HGSNAT: variants seen among roughly 807,000 people sequenced by gnomAD.
HGSNAT encodes the protein heparan-alpha-glucosaminide N-acetyltransferase.
HGSNAT carries 59 observed loss-of-function variants against 85.2 expected under a neutral mutation model. The ratio of observed to expected loss-of-function variants is 0.69; its 90% CI spans 0.56 to 0.86. HGSNAT has a LOEUF of 0.86. Among genes scored for constraint, HGSNAT ranks in the 40% least tolerant of loss-of-function variants. The probability of loss-of-function intolerance (pLI) is 0.00; values close to 1 mark genes in which losing one functional copy is unlikely to be tolerated. For synonymous variants in HGSNAT, 321 were observed against 304.5 expected (o/e 1.05, Z -0.56); for missense variants, 756 against 777.1 (o/e 0.97, Z 0.32).
Position 43,192,365 on chromosome 8 carries a change from G to T in HGSNAT, c.1312G>T (p.Ala438Ser). The T allele has an allele frequency of 6.2e-7, 1 of 1,612,786 alleles. No individual in the cohort carries two copies. The highest frequency in any genetic ancestry group is 1.1e-5 in the South Asian group (1 of 90,748). The change falls in exon 13 of 18, where the codon GCT (alanine) becomes TCT (serine). Residue 438 changes from alanine (A) to serine (S), a missense_variant. Physicochemically the swap from Ala to Ser is moderately conservative, Grantham distance 99. Transcript: ENST00000379644. ...CAAGTATCCAAATTGCACTGGAGGA[G>T]CTGCAGGCTACATCGACCGCCTGCT... ...FGKYPNCTGG[A>S]AGYIDRLLLG...
chr8:43,165,562 C>CA, intron 5 of HGSNAT, among the ~76,000 whole-genome samples: 1 of 152,192 alleles, frequency 6.6e-6, no homozygotes. Flanking sequence ...AGCTAGGCCT[C>CA]TTGTGCCCAA....
At chr8:43,157,734 T>C (rs973054073) in intron 2 of HGSNAT, among the ~76,000 whole-genome samples, 29 of 152,154 alleles carry the variant, frequency 1.9e-4, no homozygotes, top group African/African-American at 6.7e-4. Flanking sequence ...GCTGAGATCA[T>C]GCCACTGCAC....
At position 43,184,492 on chromosome 8, in the gene HGSNAT, C is replaced by A. The variant is rs185623183; in HGVS notation, c.1128+2232C>A. 7.6e-3 allele frequency among the ~76,000 whole-genome samples: 1,161 copies of A among 152,068 alleles called. 10 individuals are homozygous for A. The highest frequency in any genetic ancestry group is 0.02 in the Middle Eastern group (6 of 294). On this transcript the variant is annotated intron_variant, in intron 11 of 17. Transcript: ENST00000379644. ...ACTTTTTGATGGGGTTGTTTGATTT[C>A]TTCTTGTAAATTTGTTTAAGTTCTT...
chr8:43,155,801 C>G (rs1166499121), intron 2 of HGSNAT, among the ~76,000 whole-genome samples: 1 of 151,882 alleles, frequency 6.6e-6, no homozygotes, highest in African/African-American at 2.4e-5. Flanking sequence ...TTTCCCAGCA[C>G]TATTTATTGA....
rs1254434867 is a variant in HGSNAT at position 43,194,547 on chromosome 8, TA to T, written c.1464+706del. 3 of 980,338 alleles carry T rather than the reference TA, an allele frequency of 3.1e-6. No homozygotes were observed. In the African/African-American group the frequency reaches 5.3e-5, roughly 17 times the overall value. 60.7% of individuals were successfully genotyped at this position (980,338 alleles called of 1,614,324 possible). On this transcript the variant is annotated intron_variant, in intron 14 of 17. Coordinates refer to ENST00000379644, the MANE Select transcript of HGSNAT (RefSeq NM_152419.3). ...ACCTAACAAAATACCCGAGACTGGG[TA>T]ATTCATAAAGAACAGTAACACTGCA... is the stretch of plus-strand genomic sequence containing the variant.
At chr8:43,156,959 T>A (rs1355114421) in intron 2 of HGSNAT, among the ~76,000 whole-genome samples, 2 of 152,218 alleles carry the variant, frequency 1.3e-5, no homozygotes, top group African/African-American at 2.4e-5. Flanking sequence ...CTGTTTTTTT[T>A]AATCCTTTCA....
At chr8:43,181,097 G>A (rs1211394760) in intron 10 of HGSNAT, among the ~76,000 whole-genome samples, 2 of 88 alleles carry the variant, frequency 0.023, no homozygotes, top group Non-Finnish European at 0.037. Context: ...GAGAGGGAGA[G>A]GGAGAGGGAG....
chr8:43,186,850 A>G (rs1210311695), intron 11 of HGSNAT, among the ~76,000 whole-genome samples: 2 of 152,010 alleles, frequency 1.3e-5, no homozygotes, highest in Non-Finnish European at 2.9e-5. Flanking sequence ...TGTCTTTGTT[A>G]TCATTGATTT....
chr8:43,151,688 A>C (rs1287526327), intron 2 of HGSNAT, among the ~76,000 whole-genome samples: 1 of 152,228 alleles, frequency 6.6e-6, no homozygotes, highest in Non-Finnish European at 1.5e-5. Context: ...CATTTCGTTG[A>C]AAATCTTTAG....
intron 1 of HGSNAT, among the ~76,000 whole-genome samples, chr8:43,141,596 T>C (rs2130655198): frequency 6.6e-6 from 1 of 152,112 alleles, no homozygotes; most frequent in Non-Finnish European, 1.5e-5. Context: ...TCACCTGTCT[T>C]TCCCCTCTCG....
rs1804743919 is a variant in HGSNAT, at chr8:43,196,884, A to G, written c.1465-64A>G. ...CTTTGTCAGGTAGTTAAGACAGTGGATTAATATGAAATAAAAATATCCCTT... is the reference window on the plus strand; with the variant it reads ...CTTTGTCAGGTAGTTAAGACAGTGGGTTAATATGAAATAAAAATATCCCTT... On this transcript the variant is annotated intron_variant, in intron 14 of 17. Transcript: ENST00000379644. The G allele has an allele frequency of 8.1e-6, 8 of 984,924 alleles. No homozygotes were observed. The Admixed American group carries it at 1.5e-4, about 19-fold the overall frequency. The allele number at this position is 984,924 out of a possible 1,614,324, so 61.0% of individuals were successfully genotyped here.
At chr8:43,186,970 C>T (rs1207838398) in intron 11 of HGSNAT, among the ~76,000 whole-genome samples, 1 of 152,164 alleles carries the variant, frequency 6.6e-6, no homozygotes, top group Non-Finnish European at 1.5e-5. Flanking sequence ...GTTTCTTAAT[C>T]CTGAGTTCTA....
At chr8:43,146,491 G>A (rs556860220) in intron 1 of HGSNAT, among the ~76,000 whole-genome samples, 24 of 152,258 alleles carry the variant, frequency 1.6e-4, no homozygotes, top group African/African-American at 4.8e-4. Flanking sequence ...TTGAAAAACC[G>A]TGGTCACAGG....
At chr8:43,187,451 A>T (rs1296709249) in intron 11 of HGSNAT, among the ~76,000 whole-genome samples, 3 of 152,102 alleles carry the variant, frequency 2.0e-5, no homozygotes, top group African/African-American at 7.2e-5. Context: ...TTAATCAGAG[A>T]CTTGGATTGC....
chr8:43,178,594 CTTTTTTT>C (rs58996359), intron 10 of HGSNAT, among the ~76,000 whole-genome samples: 4 of 96,924 alleles, frequency 4.1e-5, no homozygotes, highest in Non-Finnish European at 7.0e-5. Context: ...CATCAGCTTT[CTTTTTTT>C]TTTTTTTTTT....
At chr8:43,141,489 A>T (rs1802542881) in intron 1 of HGSNAT, among the ~76,000 whole-genome samples, 1 of 152,020 alleles carries the variant, frequency 6.6e-6, no homozygotes, top group Non-Finnish European at 1.5e-5. Flanking sequence ...AGACCCCTGC[A>T]CCGGGGAGCC....
At chr8:43,178,724 C>T (rs1803905528) in intron 10 of HGSNAT, among the ~76,000 whole-genome samples, 1 of 148,264 alleles carries the variant, frequency 6.7e-6, no homozygotes, top group Non-Finnish European at 1.5e-5. Context: ...ACAAAGGTCT[C>T]TGGTTTTCCT....
intron 2 of HGSNAT, among the ~76,000 whole-genome samples, chr8:43,158,106 GT>G (rs1803149870): frequency 1.3e-5 from 2 of 150,428 alleles, no homozygotes; most frequent in East Asian, 1.9e-4. Flanking sequence ...TTTTTGTTTT[GT>G]TTTTTGTTTT....
At chr8:43,161,346 G>T (rs568013832) in intron 4 of HGSNAT, 92 bp from the exon 5 acceptor site, 23 of 1,016,944 alleles carry the variant, frequency 2.3e-5, no homozygotes, top group African/African-American at 4.8e-5. Flanking sequence ...CCCCTCACTG[G>T]TTTTCATTTA....
Sources: gnomAD v4.1 joint callset for allele counts (sites outside exome capture counted in the v4.1 genomes callset) on GRCh38, gnomAD v4.1.1 for gene constraint, MANE v1.5 for transcripts, NCBI Gene and HGNC (gene_info 2026-07-23, HGNC 2026-07-21) for gene names.